Variants in OR7C1 observed in about 807,000 individuals in gnomAD.
OR7C1 encodes olfactory receptor family 7 subfamily C member 1.
For missense variants in OR7C1, 324 were observed against 383.3 expected (o/e 0.85, Z 1.29); for synonymous variants, 152 against 160.7 (o/e 0.95, Z 0.41).
At chr19:14,824,348 G>C (rs1312864729) in intron 1 of OR7C1, 4 of 152,314 alleles carry the variant, frequency 2.6e-5, no homozygotes, top group Non-Finnish European at 5.9e-5. Flanking sequence ...GTACCCAAGA[G>C]GTAGTTTTTC....
chr19:14,827,966 G>A, intron 1 of OR7C1: 1 of 1,614,226 alleles, frequency 6.2e-7, no homozygotes, highest in African/African-American at 1.3e-5. Context: ...CTATGTAGGT[G>A]ATGACTTTGT....
At chr19:14,822,313 C>G (rs2044744449) in intron 1 of OR7C1, among the ~76,000 whole-genome samples, 1 of 149,734 alleles carries the variant, frequency 6.7e-6, no homozygotes, top group Admixed American at 6.7e-5. Flanking sequence ...CCTTAAGTTT[C>G]CACCAAAAAG....
chr19:14,814,185 A>T (rs2044705632), intron 1 of OR7C1, among the ~76,000 whole-genome samples: 1 of 147,970 alleles, frequency 6.8e-6, no homozygotes, highest in African/African-American at 2.7e-5. Context: ...ATGAGATTAC[A>T]TCAAACTAAA....
chr19:14,827,924 G>A (rs756419593), intron 1 of OR7C1: 2 of 1,614,194 alleles, frequency 1.2e-6, no homozygotes, highest in Middle Eastern at 1.6e-4. Context: ...ATCCAGCAAA[G>A]AGTATGAAAA....
At chr19:14,834,912 A>G (rs1331471767) in intron 1 of OR7C1, among the ~76,000 whole-genome samples, 162 bp downstream of exon 1, 1 of 152,212 alleles carries the variant, frequency 6.6e-6, no homozygotes, top group Non-Finnish European at 1.5e-5. Context: ...GCATCATAAA[A>G]CGAGACATTA....
chr19:14,820,257 G>C (rs1176861545), intron 1 of OR7C1, among the ~76,000 whole-genome samples: 1 of 152,060 alleles, frequency 6.6e-6, no homozygotes, highest in Non-Finnish European at 1.5e-5. Context: ...CAATGTGGTT[G>C]TTTTGAATCC....
At chr19:14,801,966 C>T (rs373013768) in intron 2 of OR7C1, among the ~76,000 whole-genome samples, 2 of 152,256 alleles carry the variant, frequency 1.3e-5, no homozygotes, top group African/African-American at 4.8e-5. Context: ...GATTATAATT[C>T]GAGATGAGAT....
At chr19:14,800,512 A>T (rs2044636374) in intron 3 of OR7C1, 21 bp downstream of exon 3, 1 of 175,592 alleles carries the variant, frequency 5.7e-6, no homozygotes, top group Non-Finnish European at 1.2e-5. Context: ...GTGATATAGG[A>T]GTTAAGAAAA....
chr19:14,807,770 C>T (rs1306227189), intron 2 of OR7C1, among the ~76,000 whole-genome samples: 1 of 151,706 alleles, frequency 6.6e-6, no homozygotes, highest in Non-Finnish European at 1.5e-5. Flanking sequence ...GTGGTGGGTG[C>T]CTGTAGTCCC....
chr19:14,828,319 A>G (rs1599924673), intron 1 of OR7C1: 2 of 1,414,742 alleles, frequency 1.4e-6, no homozygotes, highest in East Asian at 2.3e-5. Flanking sequence ...TTTCAGAAAT[A>G]CCATCATTTA....
At chr19:14,828,608 A>T (rs2044798342) in intron 1 of OR7C1, among the ~76,000 whole-genome samples, 1 of 151,826 alleles carries the variant, frequency 6.6e-6, no homozygotes, top group African/African-American at 2.4e-5. Flanking sequence ...AAAATACAAA[A>T]ATTAGCCTGG....
intron 1 of OR7C1, chr19:14,827,100 T>C (rs2240557): frequency 2.0e-6 from 1 of 508,012 alleles, no homozygotes; most frequent in Non-Finnish European, 3.2e-6. Context: ...GAAAAAACTG[T>C]TGGATATCAG....
chr19:14,818,996 G>A (rs979975175), intron 1 of OR7C1, among the ~76,000 whole-genome samples: 4 of 151,700 alleles, frequency 2.6e-5, no homozygotes, highest in Non-Finnish European at 4.4e-5. Flanking sequence ...CCATGTTGGC[G>A]TGCTGCACCT....
intron 1 of OR7C1, among the ~76,000 whole-genome samples, chr19:14,815,779 T>TTG (rs1310510352): frequency 8.1e-6 from 1 of 123,540 alleles, no homozygotes; most frequent in African/African-American, 3.1e-5. Context: ...GTCTCTGAGT[T>TTG]TGTGCGTGTG....
chr19:14,808,785 C>G (rs971399787), intron 2 of OR7C1, among the ~76,000 whole-genome samples: 1 of 151,926 alleles, frequency 6.6e-6, no homozygotes, highest in Non-Finnish European at 1.5e-5. Context: ...AAAAGTTTTT[C>G]CATTTATGTA....
At chr19:14,801,180 T>C (rs2044640109) in intron 2 of OR7C1, among the ~76,000 whole-genome samples, 1 of 152,210 alleles carries the variant, frequency 6.6e-6, no homozygotes, top group Non-Finnish European at 1.5e-5. Flanking sequence ...CCTCCATGTC[T>C]TCCCTCATTC....
intron 1 of OR7C1, among the ~76,000 whole-genome samples, chr19:14,834,847 T>G (rs2044869526): frequency 6.6e-6 from 1 of 152,226 alleles, no homozygotes. Flanking sequence ...CTTCACTAAA[T>G]GTCAATAGTC....
rs777840010 is a variant in OR7C1 at position 14,828,218 on chromosome 19, T to A, written c.-623+6856A>T. The A allele has an allele frequency of 1.2e-5, 19 of 1,611,986 alleles. No homozygotes were observed. The highest frequency in any genetic ancestry group is 6.7e-5 in the Admixed American group (4 of 59,910). ...ATCCCAGAAGAAGAAATTCTGAAAT[T>A]TGTGTATCATTTCCTGGTTCCATTT... is the stretch of plus-strand genomic sequence containing the variant. On this transcript the variant is annotated intron_variant, in intron 1 of 4. Coordinates refer to ENST00000641666, the Ensembl canonical transcript of OR7C1.
chr19:14,810,569 T>C (rs2044686543), intron 1 of OR7C1, among the ~76,000 whole-genome samples: 1 of 147,630 alleles, frequency 6.8e-6, no homozygotes, highest in South Asian at 2.1e-4. Context: ...TTTTTTATAG[T>C]GGAGATAGCG....
Sources: gnomAD v4.1 joint callset for allele counts (sites outside exome capture counted in the v4.1 genomes callset) on GRCh38, gnomAD v4.1.1 for gene constraint, MANE v1.5 for transcripts, NCBI Gene and HGNC (gene_info 2026-07-23, HGNC 2026-07-21) for gene names.